Variants in UEVLD observed in about 807,000 individuals in gnomAD.
UEVLD encodes ubiquitin-conjugating enzyme E2 variant 3.
A neutral mutation model predicts 58.6 loss-of-function variants in UEVLD; 47 were observed. The observed-to-expected ratio is 0.80, with a 90% CI of 0.63 to 1.02. UEVLD has a LOEUF of 1.02. UEVLD is among the 50% of genes least tolerant of loss of function. The pLI is 0.00. For synonymous variants in UEVLD, 197 were observed against 195.3 expected (o/e 1.01, Z -0.07); for missense variants, 510 against 550.6 (o/e 0.93, Z 0.74).
At chr11:18,561,826 C>A (rs575863738) in intron 6 of UEVLD, among the ~76,000 whole-genome samples, 135 of 142,002 alleles carry the variant, frequency 9.5e-4, no homozygotes, top group African/African-American at 3.5e-3. Context: ...GGCGAGACTT[C>A]GTCTCAAAAA....
chr11:18,588,468 C>A, intron 1 of UEVLD, 145 bp downstream of exon 1: 1 of 940,866 alleles, frequency 1.1e-6, no homozygotes, highest in South Asian at 1.7e-5. Context: ...TGGGGCCGCG[C>A]CCCATAGCCG....
At chr11:18,585,413 T>C (rs1233792108) in intron 1 of UEVLD, among the ~76,000 whole-genome samples, 1 of 152,234 alleles carries the variant, frequency 6.6e-6, no homozygotes, top group Non-Finnish European at 1.5e-5. Context: ...TTTTCTCATG[T>C]GGATATTCAC....
intron 9 of UEVLD, among the ~76,000 whole-genome samples, chr11:18,536,924 C>G (rs903137717): frequency 3.2e-4 from 41 of 129,570 alleles, no homozygotes; most frequent in Non-Finnish European, 2.0e-4. Context: ...CAGATGGAGT[C>G]TTGCTCTGTC....
intron 2 of UEVLD, among the ~76,000 whole-genome samples, chr11:18,577,871 C>CAAAAAA (rs550091645): frequency 1.5e-5 from 1 of 66,730 alleles, no homozygotes; most frequent in Middle Eastern, 8.9e-3. Context: ...GACTCCATCT[C>CAAAAAA]AAAAAAAAAA....
intron 10 of UEVLD, among the ~76,000 whole-genome samples, chr11:18,535,889 C>T (rs956284634): frequency 1.3e-5 from 2 of 152,180 alleles, no homozygotes; most frequent in South Asian, 4.1e-4. Context: ...GTAATCCCGG[C>T]ACTTTGGGAG....
At chr11:18,586,225 A>AT (rs1853552336) in intron 1 of UEVLD, among the ~76,000 whole-genome samples, 3 of 150,980 alleles carry the variant, frequency 2.0e-5, no homozygotes, top group Admixed American at 6.6e-5. Flanking sequence ...ATTTTTTTTT[A>AT]TTTTTTTGAG....
intron 6 of UEVLD, 49 bp downstream of exon 6, chr11:18,564,843 G>A (rs1451827582): frequency 2.2e-6 from 3 of 1,383,286 alleles, no homozygotes; most frequent in Non-Finnish European, 3.0e-6. Context: ...AACCTGCCTA[G>A]AAGTGTGGCA....
Position 18,570,532 on chromosome 11 carries a change from G to C in UEVLD, c.194-155C>G, listed in dbSNP as rs964561411. 7 of 606,452 alleles carry C rather than the reference G, an allele frequency of 1.2e-5. No homozygotes were observed. The East Asian group carries it at 1.5e-4, about 13-fold the overall frequency. The allele number at this position is 606,452 out of a possible 1,614,324, so 37.6% of individuals were successfully genotyped here. ...ATGCTGAGGTGAGCAGATTGCATGA[G>C]CCCAGGAGTTTCAGACCAGCCTAGG... On this transcript the variant is annotated intron_variant, in intron 3 of 11. Transcript: ENST00000396197.
chr11:18,565,863 T>C (rs940476674), intron 5 of UEVLD, among the ~76,000 whole-genome samples: 4 of 151,150 alleles, frequency 2.6e-5, no homozygotes, highest in Non-Finnish European at 5.9e-5. Flanking sequence ...TACATGGTAA[T>C]ACCCTGTGAT....
At chr11:18,533,465 A>G (rs982074156) in intron 11 of UEVLD, among the ~76,000 whole-genome samples, 5 of 147,098 alleles carry the variant, frequency 3.4e-5, no homozygotes, top group Non-Finnish European at 6.0e-5. Context: ...TGGCTGGCTG[A>G]GATGATAAAT....
chr11:18,542,713 T>C (rs1851106305), intron 9 of UEVLD, among the ~76,000 whole-genome samples: 1 of 152,112 alleles, frequency 6.6e-6, no homozygotes, highest in Admixed American at 6.5e-5. Context: ...TTTATTTTAA[T>C]GGCATCAAAG....
intron 1 of UEVLD, among the ~76,000 whole-genome samples, chr11:18,585,878 G>A (rs1217277845): frequency 1.3e-5 from 2 of 152,044 alleles, no homozygotes; most frequent in Non-Finnish European, 2.9e-5. Flanking sequence ...CAAGTGATCC[G>A]CCCACCTCGG....
At chr11:18,556,660 T>C (rs1219048816) in intron 7 of UEVLD, among the ~76,000 whole-genome samples, 1 of 152,204 alleles carries the variant, frequency 6.6e-6, no homozygotes, top group Non-Finnish European at 1.5e-5. Context: ...TTCAGTGGCC[T>C]TTTTTCTTTT....
chr11:18,579,393 G>A, intron 1 of UEVLD: 1 of 956,526 alleles, frequency 1.0e-6, no homozygotes, highest in Non-Finnish European at 1.2e-6. Context: ...CAGGACCAGA[G>A]TCTTTAATCT....
At chr11:18,567,767 A>G (rs1030867769) in intron 4 of UEVLD, among the ~76,000 whole-genome samples, 2 of 152,206 alleles carry the variant, frequency 1.3e-5, no homozygotes, top group Non-Finnish European at 2.9e-5. Flanking sequence ...ATGCTACATA[A>G]TTATAATTCC....
In UEVLD at chr11:18,534,418, G is replaced by A. The variant is rs565899539; in HGVS notation, c.1160C>T (p.Ser387Phe). Residue 387 changes from serine to phenylalanine, a missense_variant, in exon 11 of 12, where the codon TCC becomes TTC. Physicochemically the swap from Ser to Phe is radical, Grantham distance 155. Coordinates refer to ENST00000396197, the MANE Select transcript of UEVLD (RefSeq NM_001040697.4). ...MELLRVKGQR[S>F]WSVGLSVADM... The stretch of plus-strand genomic sequence containing the variant: ...AGCTACTGATAGTCCAACAGACCAG[G>A]ATCTTTGACCTTTTACTCTTAGCAG... 7.4e-5 allele frequency: 117 copies of A among 1,576,954 alleles called. No individual in the cohort carries two copies. Among genetic ancestry groups the A allele is most frequent in the Non-Finnish European group, 9.4e-5 (110 of 1,168,864 alleles).
At chr11:18,578,312 GCCCAGGAATGTGGGTGAC>G (rs1248959867) in intron 2 of UEVLD, among the ~76,000 whole-genome samples, 2 of 152,194 alleles carry the variant, frequency 1.3e-5, no homozygotes, top group East Asian at 3.8e-4. Context: ...GAGACCAAGA[GCCCAGGAATGTGGGTGAC>G]CTCTAGAAAC....
chr11:18,548,081 C>G (rs1851375822), intron 7 of UEVLD, among the ~76,000 whole-genome samples: 1 of 152,116 alleles, frequency 6.6e-6, no homozygotes, highest in African/African-American at 2.4e-5. Context: ...TATACAGAAG[C>G]CCAGCTGTCC....
At position 18,588,605 on chromosome 11, in the gene UEVLD, G is replaced by A; in HGVS notation, c.42+8C>T. 3 of 1,609,896 alleles carry A rather than the reference G, an allele frequency of 1.9e-6. No individual in the cohort carries two copies. The highest frequency in any genetic ancestry group is 8.5e-7 in the Non-Finnish European group (1 of 1,179,766). Reference sequence around the variant, plus strand: ...AGGACCCAAACTGGCCCAGCGGACTGCCCGCACCTTGCCAAGCAGCCGTCT... The same window carrying A: ...AGGACCCAAACTGGCCCAGCGGACTACCCGCACCTTGCCAAGCAGCCGTCT... On this transcript the variant is annotated splice_region_variant and intron_variant, in intron 1 of 11. Transcript: ENST00000396197.
Sources: allele counts gnomAD v4.1 joint callset (sites outside exome capture counted in the v4.1 genomes callset), GRCh38; gene constraint gnomAD v4.1.1; transcripts MANE v1.5; gene names NCBI Gene and HGNC (gene_info 2026-07-23, HGNC 2026-07-21).